The following CLBA1 variants were observed in gnomAD, a reference collection of about 807,000 sequenced individuals.
CLBA1 encodes uncharacterized protein CLBA1.
A neutral mutation model predicts 28.8 loss-of-function variants in CLBA1; 30 were observed. The ratio of observed to expected loss-of-function variants is 1.04; its 90% CI spans 0.78 to 1.41. The LOEUF (loss-of-function observed/expected upper bound fraction) is 1.41. Ranked by LOEUF, CLBA1 falls within the 40% of genes most tolerant of loss-of-function variation. The probability of loss-of-function intolerance (pLI) is 0.00; values close to 1 mark genes in which losing one functional copy is unlikely to be tolerated. For missense variants in CLBA1, 451 were observed against 412.3 expected (o/e 1.09, Z -0.81); for synonymous variants, 160 against 152.8 (o/e 1.05, Z -0.35).
intron 3 of CLBA1, 65 bp downstream of exon 3, chr14:104,991,685 C>T (rs1900027051): frequency 1.3e-6 from 2 of 1,533,304 alleles, no homozygotes; most frequent in Admixed American, 4.0e-5. Flanking sequence ...CACCAGTGGC[C>T]CTTGGCCGCG....
downstream of CLBA1, among the ~76,000 whole-genome samples, chr14:104,997,492 C>A (rs967171673): frequency 7.9e-5 from 12 of 152,098 alleles, no homozygotes; most frequent in Non-Finnish European, 1.2e-4. Context: ...GAAAATAATC[C>A]ACAAATCCAA....
Position 104,994,817 on chromosome 14 carries a change from G to A in CLBA1, c.*58G>A, listed in dbSNP as rs1900128987. 1.3e-6 allele frequency: 2 copies of A among 1,550,242 alleles called. No individual in the cohort carries two copies. The highest frequency in any genetic ancestry group is 1.4e-5 in the African/African-American group (1 of 73,212). ...TTTTCATTTTCTTCCTGGCTGGGTT[G>A]ATGTGGAAACCAGAGCTGTCTGTGG... On this transcript the variant is annotated 3_prime_UTR_variant, in exon 5 of 5. Coordinates refer to ENST00000547315, the MANE Select transcript of CLBA1 (RefSeq NM_174891.4).
At chr14:105,001,076 A>T (rs1208297369) in intron 2 of CLBA1, among the ~76,000 whole-genome samples, 1 of 149,412 alleles carries the variant, frequency 6.7e-6, no homozygotes, top group East Asian at 1.9e-4. Context: ...GTAAAAAAAA[A>T]AAAAAAAAAA....
In CLBA1 at chr14:104,985,835, C is replaced by T; in HGVS notation, c.-597C>T. The T allele has an allele frequency of 6.5e-6, 2 of 305,586 alleles. No homozygotes were observed. The highest frequency in any genetic ancestry group is 4.3e-5 in the South Asian group (2 of 46,390). 18.9% of individuals were successfully genotyped at this position (305,586 alleles called of 1,614,324 possible). On this transcript the variant is annotated 5_prime_UTR_variant, in exon 1 of 5. Transcript: ENST00000547315. ...GGAGGGAACGGCTGGTTGCAGGTTTCTCTCGCCCTGGTCCCGCGCGGCCCC... is the reference window on the plus strand; with the variant it reads ...GGAGGGAACGGCTGGTTGCAGGTTTTTCTCGCCCTGGTCCCGCGCGGCCCC...
intron 4 of CLBA1, chr14:104,993,556 T>TTCATCACA (rs1314539648): frequency 3.0e-6 from 3 of 985,322 alleles, no homozygotes; most frequent in African/African-American, 3.5e-5. Flanking sequence ...ACAGAGTCAC[T>TTCATCACA]TCATCACATC....
At chr14:104,998,274 T>C (rs1014924087), downstream of CLBA1, among the ~76,000 whole-genome samples, 4 of 150,886 alleles carry the variant, frequency 2.7e-5, no homozygotes, top group Non-Finnish European at 5.9e-5. Flanking sequence ...ATTAGCCTGG[T>C]GTGGTGGCGC....
At chr14:105,000,433 G>A (rs931936541), downstream of CLBA1, among the ~76,000 whole-genome samples, 17 of 151,788 alleles carry the variant, frequency 1.1e-4, no homozygotes, top group East Asian at 2.1e-3. Flanking sequence ...CACCATGCCC[G>A]GCTAATTTTT....
At chr14:104,991,678 C>A in intron 3 of CLBA1, 58 bp downstream of exon 3, 2 of 1,549,704 alleles carry the variant, frequency 1.3e-6, no homozygotes, top group African/African-American at 1.4e-5. Context: ...TCACTGTCAC[C>A]AGTGGCCCTT....
At chr14:104,989,624 T>C in intron 2 of CLBA1, 1 of 456,092 alleles carries the variant, frequency 2.2e-6, no homozygotes. Flanking sequence ...CAGATGGCCA[T>C]TTTCCAGGGA....
In CLBA1 at chr14:104,993,998, C is replaced by T. The variant is rs971632976; in HGVS notation, c.817-600C>T. On this transcript the variant is annotated intron_variant, in intron 4 of 4. Transcript: ENST00000547315. ...GAATTAGGCATGAATGTGGCACTGC[C>T]CCCAGCTGACATGGGGTGGGTTCCC... 4 of 985,142 alleles carry T rather than the reference C, an allele frequency of 4.1e-6. No homozygotes were observed. The African/African-American group carries it at 7.0e-5, about 17-fold the overall frequency. The allele number at this position is 985,142 out of a possible 1,614,324, so 61.0% of individuals were successfully genotyped here.
In CLBA1 at chr14:104,995,453, G is replaced by A. The variant is rs1900140532; in HGVS notation, c.*694G>A. Reference sequence around the variant, plus strand: ...GCTAAGGAAAACTGTGCTCTTCGAAGGGCAGAGCCAAGAAGTCAGCCCTGA... The same window carrying A: ...GCTAAGGAAAACTGTGCTCTTCGAAAGGCAGAGCCAAGAAGTCAGCCCTGA... On this transcript the variant is annotated 3_prime_UTR_variant, in exon 5 of 5. Transcript: ENST00000547315. The A allele has an allele frequency of 1.0e-6, 1 of 985,394 alleles. No homozygotes were observed. Among genetic ancestry groups the A allele is most frequent in the South Asian group, 4.7e-5 (1 of 21,276 alleles). 61.0% of individuals were successfully genotyped at this position (985,394 alleles called of 1,614,324 possible).
At chr14:104,988,231 C>A (rs113115370) in intron 1 of CLBA1, among the ~76,000 whole-genome samples, 123 of 152,318 alleles carry the variant, frequency 8.1e-4, no homozygotes, top group African/African-American at 2.9e-3. Context: ...TAGGACTTCA[C>A]CCGGTTCAGA....
chr14:104,998,425 AAAAG>A (rs1333313985), downstream of CLBA1, among the ~76,000 whole-genome samples: 23 of 151,820 alleles, frequency 1.5e-4, 1 homozygote, highest in East Asian at 2.7e-3. Context: ...TAAAAAAAAA[AAAAG>A]AATTAAGTAG....
intron 3 of CLBA1, 46 bp downstream of exon 3, chr14:104,991,666 C>A: frequency 6.4e-7 from 1 of 1,565,970 alleles, no homozygotes; most frequent in Admixed American, 1.9e-5. Context: ...TGTGGTTGAA[C>A]TTCACTGTCA....
chr14:104,997,542 G>A (rs887183978), downstream of CLBA1, among the ~76,000 whole-genome samples: 4 of 152,320 alleles, frequency 2.6e-5, no homozygotes, highest in South Asian at 6.2e-4. Context: ...GGAGAAAACC[G>A]TACCTGAACA....
At chr14:104,993,113 C>T (rs1411061293) in intron 4 of CLBA1, 49 bp downstream of exon 4, 2 of 1,582,352 alleles carry the variant, frequency 1.3e-6, no homozygotes, top group Non-Finnish European at 1.7e-6. Flanking sequence ...TGGCGGTGTC[C>T]ACACATGTGG....
chr14:105,000,531 C>T (rs1429248219), intron 2 of CLBA1, among the ~76,000 whole-genome samples: 2 of 152,076 alleles, frequency 1.3e-5, no homozygotes, highest in Non-Finnish European at 2.9e-5. Flanking sequence ...CTCGGCCTCC[C>T]AAAGTGCTGG....
chr14:104,997,263 T>C (rs1292387564), downstream of CLBA1, among the ~76,000 whole-genome samples: 1 of 152,118 alleles, frequency 6.6e-6, no homozygotes, highest in Non-Finnish European at 1.5e-5. Flanking sequence ...AACAGCAGAC[T>C]GGACATCACA....
At chr14:104,997,598 A>C (rs939961324), downstream of CLBA1, among the ~76,000 whole-genome samples, 3 of 152,246 alleles carry the variant, frequency 2.0e-5, no homozygotes, top group Admixed American at 2.0e-4. Context: ...CAGGAGATTC[A>C]TATAGAGAAG....
Sources: allele counts gnomAD v4.1 joint callset (sites outside exome capture counted in the v4.1 genomes callset), GRCh38; gene constraint gnomAD v4.1.1; transcripts MANE v1.5; gene names NCBI Gene and HGNC (gene_info 2026-07-23, HGNC 2026-07-21).